The following CREB5 variants were observed in gnomAD, a reference collection of about 807,000 sequenced individuals.
CREB5 encodes the protein cAMP responsive element binding protein 5.
A neutral mutation model predicts 57.1 loss-of-function variants in CREB5; 19 were observed. The ratio of observed to expected loss-of-function variants is 0.33; its 90% CI spans 0.23 to 0.49. The LOEUF (loss-of-function observed/expected upper bound fraction) is 0.49, where lower values mean the gene tolerates loss of function less well. CREB5 is among the 20% of genes least tolerant of loss of function. The probability of loss-of-function intolerance (pLI) is 0.99; values close to 1 mark genes in which losing one functional copy is unlikely to be tolerated. For missense variants in CREB5, 579 were observed against 671.6 expected (o/e 0.86, Z 1.52); for synonymous variants, 238 against 238.3 (o/e 1.00, Z 0.01).
At chr7:28,471,456 T>C (rs868387074) in intron 1 of CREB5, among the ~76,000 whole-genome samples, 5 of 152,168 alleles carry the variant, frequency 3.3e-5, no homozygotes, top group South Asian at 2.1e-4. Context: ...GCCAAAACCA[T>C]GCTCTTTCGG....
chr7:28,300,050 C>CTTTA (rs150788504), intron 1 of CREB5, among the ~76,000 whole-genome samples: 13 of 144,320 alleles, frequency 9.0e-5, no homozygotes, highest in African/African-American at 3.1e-4. Context: ...TGCTTTTTAG[C>CTTTA]TTTATTTATT....
intron 4 of CREB5, among the ~76,000 whole-genome samples, chr7:28,547,025 A>T (rs145237709): frequency 3.7e-4 from 56 of 152,358 alleles, no homozygotes; most frequent in Non-Finnish European, 6.0e-4. Flanking sequence ...GTCAAGGTTG[A>T]AGGTAGAATA....
chr7:28,491,824 T>A (rs1791821075), intron 2 of CREB5, among the ~76,000 whole-genome samples: 1 of 152,192 alleles, frequency 6.6e-6, no homozygotes, highest in South Asian at 2.1e-4. Context: ...CCTGGGAACC[T>A]GCATGGAGAA....
intron 2 of CREB5, among the ~76,000 whole-genome samples, chr7:28,494,094 A>T (rs1277154551): frequency 6.6e-6 from 1 of 152,208 alleles, no homozygotes; most frequent in Non-Finnish European, 1.5e-5. Context: ...TGTCTAGCAT[A>T]CTTATCATAC....
chr7:28,422,623 A>G (rs565742840), intron 1 of CREB5, among the ~76,000 whole-genome samples: 1 of 152,220 alleles, frequency 6.6e-6, no homozygotes, highest in Non-Finnish European at 1.5e-5. Flanking sequence ...TGCTATGGTT[A>G]TATGGACACA....
chr7:28,335,295 A>C (rs1167360969), intron 1 of CREB5, among the ~76,000 whole-genome samples: 1 of 152,142 alleles, frequency 6.6e-6, no homozygotes, highest in Admixed American at 6.5e-5. Context: ...TAATACGAAC[A>C]TTTTAACAAT....
chr7:28,589,451 G>T (rs1796416468), intron 5 of CREB5, among the ~76,000 whole-genome samples: 1 of 152,166 alleles, frequency 6.6e-6, no homozygotes, highest in African/African-American at 2.4e-5. Context: ...CTACTCGGGA[G>T]GCTGAGGCAG....
chr7:28,625,652 G>A (rs573358870), intron 5 of CREB5, among the ~76,000 whole-genome samples: 7 of 152,224 alleles, frequency 4.6e-5, no homozygotes, highest in Admixed American at 3.3e-4. Flanking sequence ...AAGATCCACA[G>A]GGGAAAAAAG....
intron 4 of CREB5, among the ~76,000 whole-genome samples, chr7:28,523,519 G>A (rs1415231031): frequency 2.6e-5 from 4 of 152,218 alleles, no homozygotes; most frequent in African/African-American, 9.6e-5. Flanking sequence ...CTGGGATCGT[G>A]TGTACAGTAG....
intron 3 of CREB5, among the ~76,000 whole-genome samples, chr7:28,506,983 G>T (rs1583552440): frequency 6.6e-6 from 1 of 152,054 alleles, no homozygotes; most frequent in African/African-American, 2.4e-5. Context: ...TCTTTTTTTG[G>T]CTATAGCAAA....
chr7:28,326,835 G>C (rs1025750261), intron 1 of CREB5, among the ~76,000 whole-genome samples: 3 of 152,148 alleles, frequency 2.0e-5, no homozygotes, highest in African/African-American at 7.2e-5. Flanking sequence ...AGACGTAGGT[G>C]GATAAACATA....
At chr7:28,642,197 A>G (rs942733501) in intron 5 of CREB5, among the ~76,000 whole-genome samples, 17 of 152,218 alleles carry the variant, frequency 1.1e-4, no homozygotes, top group Admixed American at 6.5e-5. Context: ...AGTCTTGTTC[A>G]TTGACATAAA....
In CREB5 at chr7:28,412,931, T is replaced by A; in HGVS notation, c.3+14T>A. 1 of 1,459,764 alleles carries A rather than the reference T, an allele frequency of 6.9e-7. No homozygotes were observed. The highest frequency in any genetic ancestry group is 9.1e-7 in the Non-Finnish European group (1 of 1,099,466). The allele number at this position is 1,459,764 out of a possible 1,614,324, so 90.4% of individuals were successfully genotyped here. A position where few individuals can be genotyped will look rare whatever the true frequency, so the allele number is the denominator to read the frequency against. Reference sequence around the variant, plus strand: ...CTACAGATAATGGTAAGGATGATGTTTATTATGCATATTAAACAGAGAGAA... The same window carrying A: ...CTACAGATAATGGTAAGGATGATGTATATTATGCATATTAAACAGAGAGAA... On this transcript the variant is annotated intron_variant, in intron 1 of 10. Transcript: ENST00000357727.
At chr7:28,543,578 T>TAAAAAAAA (rs34533813) in intron 4 of CREB5, among the ~76,000 whole-genome samples, 1 of 92,354 alleles carries the variant, frequency 1.1e-5, no homozygotes, top group African/African-American at 3.9e-5. Context: ...TCATTTTAGG[T>TAAAAAAAA]AAAAAAAAAA....
rs796253264 is a variant in CREB5, at chr7:28,522,858, T to C, written c.291+15121T>C. Reference sequence around the variant, plus strand: ...TCTTTCTTCGTAATGCACTTTTCAATGCCACCAAAGGCATGTAACCCACCA... The same window carrying C: ...TCTTTCTTCGTAATGCACTTTTCAACGCCACCAAAGGCATGTAACCCACCA... On this transcript the variant is annotated intron_variant, in intron 4 of 10. Transcript: ENST00000357727. Among the ~76,000 whole-genome samples the C allele has an allele frequency of 6.6e-5, 10 of 152,338 alleles. 1 individual carries two copies. The highest frequency in any genetic ancestry group is 2.4e-4 in the African/African-American group (10 of 41,584).
chr7:28,499,049 C>T (rs1052912975), intron 3 of CREB5, among the ~76,000 whole-genome samples: 2 of 151,756 alleles, frequency 1.3e-5, no homozygotes, highest in East Asian at 1.9e-4. Context: ...TTCAGCAGAG[C>T]GGTAAAGAGG....
rs1802216468 is a variant in CREB5 at position 28,708,148 on chromosome 7, TGC to T, written c.465-10604_465-10603del. Reference sequence around the variant, plus strand: ...TTAGGATATAACCCAGTGAAGAGTTTGCTCAGCCTTGTTAGGCAATGCCCCTT... The same window carrying T: ...TTAGGATATAACCCAGTGAAGAGTTTTCAGCCTTGTTAGGCAATGCCCCTT... On this transcript the variant is annotated intron_variant, in intron 5 of 10. Transcript: ENST00000357727. Among the ~76,000 whole-genome samples the T allele has an allele frequency of 1.4e-4, 22 of 152,370 alleles. No individual in the cohort carries two copies. In the South Asian group the frequency reaches 4.3e-3, roughly 30 times the overall value.
chr7:28,642,011 C>G (rs1798679366), intron 5 of CREB5, among the ~76,000 whole-genome samples: 1 of 152,128 alleles, frequency 6.6e-6, no homozygotes, highest in South Asian at 2.1e-4. Flanking sequence ...TATGGGAGGA[C>G]CAAAATTAAC....
chr7:28,422,198 G>A (rs1253040408), intron 1 of CREB5, among the ~76,000 whole-genome samples: 1 of 152,104 alleles, frequency 6.6e-6, no homozygotes, highest in East Asian at 1.9e-4. Flanking sequence ...TACTATTTCT[G>A]ACTTATTCTC....
Sources: allele counts gnomAD v4.1 joint callset (sites outside exome capture counted in the v4.1 genomes callset), GRCh38; gene constraint gnomAD v4.1.1; transcripts MANE v1.5; gene names NCBI Gene and HGNC (gene_info 2026-07-23, HGNC 2026-07-21).